Variants in LIMCH1 observed in about 807,000 individuals in gnomAD.
The protein encoded by LIMCH1 is LIM and calponin homology domains 1.
In LIMCH1, 113 loss-of-function variants were observed where a neutral mutation model predicts 176.5. The observed-to-expected ratio is 0.64, with a 90% CI of 0.55 to 0.75. The LOEUF is 0.75. Ranked by LOEUF, LIMCH1 falls within the 30% of genes least tolerant of loss-of-function variation. The pLI is 0.00. For missense variants in LIMCH1, 1,674 were observed against 1,814.9 expected, an observed-to-expected ratio of 0.92 and a Z score of 1.41; for synonymous variants, 619 against 645.9, an observed-to-expected ratio of 0.96 and a Z score of 0.63.
chr4:41,498,875 CTT>C (rs369706179), intron 2 of LIMCH1, among the ~76,000 whole-genome samples: 8 of 142,734 alleles, frequency 5.6e-5, no homozygotes, highest in Non-Finnish European at 3.1e-5. Flanking sequence ...GGCCCTTGGC[CTT>C]TTTTTTTTTT....
At chr4:41,583,674 A>G (rs2085925792) in intron 1 of LIMCH1, among the ~76,000 whole-genome samples, 2 of 152,130 alleles carry the variant, frequency 1.3e-5, no homozygotes, top group Non-Finnish European at 2.9e-5. Context: ...AATTACATAG[A>G]AAAAAATTGG....
chr4:41,585,840 C>T (rs1561836061), intron 1 of LIMCH1, among the ~76,000 whole-genome samples: 1 of 152,188 alleles, frequency 6.6e-6, no homozygotes. Context: ...CCATTGGTTA[C>T]ACAGTTCAGC....
intron 1 of LIMCH1, among the ~76,000 whole-genome samples, chr4:41,483,746 A>G (rs957533345): frequency 1.3e-5 from 2 of 152,146 alleles, no homozygotes; most frequent in African/African-American, 4.8e-5. Context: ...GCCCTACTTC[A>G]TCTCCTTCCT....
chr4:41,360,795 G>C lies in LIMCH1; in HGVS notation c.-46G>C. 7.0e-7 allele frequency: 1 copy of C among 1,435,074 alleles called. No homozygotes were observed. The highest frequency in any genetic ancestry group is 9.3e-7 in the Non-Finnish European group (1 of 1,070,320). The allele number at this position is 1,435,074 out of a possible 1,614,324, so 88.9% of individuals were successfully genotyped here. ...GCGCGCTCCTGCGGCGGCGACGGCGGCGGCCGTCCTCATCCCGGCGCTTGA... is the reference window on the plus strand; with the variant it reads ...GCGCGCTCCTGCGGCGGCGACGGCGCCGGCCGTCCTCATCCCGGCGCTTGA... On this transcript the variant is annotated 5_prime_UTR_variant, in exon 1 of 27. Transcript: ENST00000313860. The surrounding 1 kb of genome is among the most constrained non-coding windows in gnomAD (Gnocchi z 4.5).
At chr4:41,451,805 T>C (rs1014013855) in intron 1 of LIMCH1, among the ~76,000 whole-genome samples, 3 of 152,248 alleles carry the variant, frequency 2.0e-5, no homozygotes, top group African/African-American at 4.8e-5. Context: ...TGTTCAATTA[T>C]TGCATTCTTT....
rs544452772 is a variant in LIMCH1 at position 41,408,884 on chromosome 4, T to G, written c.96+47948T>G. Reference sequence around the variant, plus strand: ...GCCATAGAATCTTCTAGCACTTAAGTTAGTCCTGATGTTTCTCATAAATTC... The same window carrying G: ...GCCATAGAATCTTCTAGCACTTAAGGTAGTCCTGATGTTTCTCATAAATTC... On this transcript the variant is annotated intron_variant, in intron 1 of 26. Coordinates refer to the LIMCH1 transcript ENST00000313860. Among the ~76,000 whole-genome samples the G allele has an allele frequency of 7.9e-5, 12 of 152,344 alleles. No homozygotes were observed. In the South Asian group the frequency reaches 2.3e-3, roughly 29 times the overall value.
At chr4:41,516,647 T>C (rs1328723982) in intron 2 of LIMCH1, among the ~76,000 whole-genome samples, 1 of 152,214 alleles carries the variant, frequency 6.6e-6, no homozygotes, top group African/African-American at 2.4e-5. Flanking sequence ...ACTCTGAACA[T>C]ATTCAAATAA....
chr4:41,684,628 T>G, intron 27 of LIMCH1, 110 bp downstream of exon 27: 2 of 1,220,076 alleles, frequency 1.6e-6, no homozygotes, highest in African/African-American at 1.5e-5. Context: ...CTAAGGGCCC[T>G]GGACTTCTAG....
intron 1 of LIMCH1, among the ~76,000 whole-genome samples, chr4:41,482,551 T>C (rs1011359900): frequency 2.0e-5 from 3 of 151,932 alleles, no homozygotes; most frequent in Non-Finnish European, 2.9e-5. Flanking sequence ...GATGTTACAA[T>C]CAAATGAGAA....
At chr4:41,642,137 T>C (rs1440681371) in intron 14 of LIMCH1, among the ~76,000 whole-genome samples, 1 of 152,144 alleles carries the variant, frequency 6.6e-6, no homozygotes, top group African/African-American at 2.4e-5. Context: ...CCTGTAGATA[T>C]TATAGATGGC....
chr4:41,568,299 T>A (rs568569345), intron 1 of LIMCH1, among the ~76,000 whole-genome samples: 4 of 152,342 alleles, frequency 2.6e-5, no homozygotes, highest in Admixed American at 6.5e-5. Context: ...CCTATCACTT[T>A]ACAATAAATT....
At chr4:41,646,436 T>G (rs771324367) in intron 16 of LIMCH1, 49 bp from the exon 17 acceptor site, 3 of 1,585,032 alleles carry the variant, frequency 1.9e-6, no homozygotes, top group Non-Finnish European at 2.6e-6. Flanking sequence ...AGGTCTTCTT[T>G]GCAATTTTCA....
intron 27 of LIMCH1, among the ~76,000 whole-genome samples, chr4:41,684,795 G>A (rs936098830): frequency 5.9e-5 from 9 of 152,056 alleles, no homozygotes; most frequent in Admixed American, 1.3e-4. Context: ...AGTGCATTCT[G>A]AGACTTCCTC....
intron 1 of LIMCH1, among the ~76,000 whole-genome samples, chr4:41,590,534 A>C (rs969585702): frequency 6.6e-6 from 1 of 152,142 alleles, no homozygotes; most frequent in Non-Finnish European, 1.5e-5. Flanking sequence ...CCTAAAGAAC[A>C]GTCTAGATCT....
chr4:41,676,416 G>A lies in LIMCH1; in HGVS notation c.3473G>A (p.Arg1158His), dbSNP rs145925686. The change falls in exon 23 of 32, where the codon CGC becomes CAC. Residue 1158 changes from arginine (R) to histidine (H), a missense_variant. Coordinates refer to ENST00000503057, the MANE Select transcript of LIMCH1 (RefSeq NM_001330672.2). The part of the protein sequence containing the change: ...KFWAWDPEEE[R>H]RRQEKWQQEQ... The stretch of plus-strand genomic sequence containing the variant: ...TGGGCATGGGACCCAGAAGAGGAGC[G>A]CAGGCGACAGGAAAAATGGCAACAG... 3.0e-5 allele frequency: 48 copies of A among 1,613,808 alleles called. No homozygotes were observed. Among genetic ancestry groups the A allele is most frequent in the Admixed American group, 1.0e-4 (6 of 60,002 alleles).
intron 1 of LIMCH1, among the ~76,000 whole-genome samples, chr4:41,585,359 A>G (rs1448235155): frequency 6.6e-6 from 1 of 152,180 alleles, no homozygotes. Context: ...GGATTTATTT[A>G]CATTGTAGCA....
Position 41,661,421 on chromosome 4 carries a change from C to A in LIMCH1, c.3038C>A (p.Ala1013Glu). The A allele has an allele frequency of 6.2e-7, 1 of 1,600,404 alleles. No individual in the cohort carries two copies. Among genetic ancestry groups the A allele is most frequent in the Non-Finnish European group, 8.5e-7 (1 of 1,172,932 alleles). The part of the protein sequence containing the change: ...KPNSVPQELA[A>E]TTEKTEPNSQ... ...GGGGGAAAAAAATCTCTTTTTCAGGCAACCACTGAGAAAACGGAACCGAAT... is the reference window on the plus strand; with the variant it reads ...GGGGGAAAAAAATCTCTTTTTCAGGAAACCACTGAGAAAACGGAACCGAAT... Residue 1013 changes from alanine (A) to glutamate (E), a missense_variant and splice_region_variant, in exon 19 of 32, where the codon GCA becomes GAA. By Grantham distance (107) the Ala-to-Glu change is moderately radical. Around this residue, in one of 3 missense-constraint regions of LIMCH1, gnomAD observed 1,015 missense variants for 1,102.5 expected, o/e 0.92. Coordinates refer to ENST00000503057, the MANE Select transcript of LIMCH1 (RefSeq NM_001330672.2).
chr4:41,433,824 T>A (rs755784482), intron 1 of LIMCH1, among the ~76,000 whole-genome samples: 8 of 151,930 alleles, frequency 5.3e-5, no homozygotes, highest in Non-Finnish European at 1.2e-4. Flanking sequence ...GTCGGGGAAA[T>A]AGACCCCATT....
intron 1 of LIMCH1, among the ~76,000 whole-genome samples, chr4:41,574,236 TCCCC>T (rs2084039761): frequency 4.0e-4 from 1 of 2,494 alleles, no homozygotes. Context: ...GAAGATCCCC[TCCCC>T]TCCCCTCCCC....
Sources: allele counts gnomAD v4.1 joint callset (sites outside exome capture counted in the v4.1 genomes callset), GRCh38; gene constraint gnomAD v4.1.1; regional missense constraint gnomAD v4.1.1; non-coding constraint Gnocchi (gnomAD v3.1); transcripts MANE v1.5; gene names NCBI Gene and HGNC (gene_info 2026-07-23, HGNC 2026-07-21).